KCNT2: variants seen among roughly 807,000 people sequenced by gnomAD.
KCNT2 encodes the protein potassium sodium-activated channel subfamily T member 2.
KCNT2 carries 67 observed loss-of-function variants against 153.8 expected under a neutral mutation model. That is an observed-to-expected ratio of 0.44 (90% CI 0.36 to 0.53). The LOEUF is 0.53. Among genes scored for constraint, KCNT2 ranks in the 20% least tolerant of loss-of-function variants. The pLI is 0.00. For missense variants in KCNT2, 975 were observed against 1,354.8 expected (o/e 0.72, Z 4.40); for synonymous variants, 500 against 458.8 (o/e 1.09, Z -1.15).
At chr1:196,507,288 A>G (rs1043202884) in intron 1 of KCNT2, among the ~76,000 whole-genome samples, 1 of 152,190 alleles carries the variant, frequency 6.6e-6, no homozygotes, top group African/African-American at 2.4e-5. Context: ...TTCTATCAGA[A>G]AAATTATCCA....
chr1:196,285,979 T>A (rs1004330308), intron 22 of KCNT2, among the ~76,000 whole-genome samples: 1 of 152,118 alleles, frequency 6.6e-6, no homozygotes, highest in African/African-American at 2.4e-5. Flanking sequence ...AAGATCAACA[T>A]TTTTTGTACA....
chr1:196,358,675 T>C (rs913557344), intron 14 of KCNT2, among the ~76,000 whole-genome samples: 3 of 152,016 alleles, frequency 2.0e-5, no homozygotes, highest in African/African-American at 7.2e-5. Flanking sequence ...TTAAATATTA[T>C]AGTTTTGATT....
chr1:196,552,162 A>C (rs1657999853), intron 1 of KCNT2, among the ~76,000 whole-genome samples: 1 of 151,568 alleles, frequency 6.6e-6, no homozygotes, highest in African/African-American at 2.4e-5. Context: ...AAAATGAGAA[A>C]AAAAGTAAAT....
At chr1:196,531,799 T>C (rs1654977770) in intron 1 of KCNT2, among the ~76,000 whole-genome samples, 1 of 152,070 alleles carries the variant, frequency 6.6e-6, no homozygotes, top group African/African-American at 2.4e-5. Context: ...ATGTATTTAT[T>C]TCAGCAATTT....
At chr1:196,372,234 T>C (rs76016825) in intron 14 of KCNT2, among the ~76,000 whole-genome samples, 5,907 of 151,996 alleles carry the variant, frequency 0.039, 158 homozygotes, top group South Asian at 0.073. Context: ...TAACACTGAG[T>C]ATTTACTACT....
In KCNT2 at chr1:196,359,820, A is replaced by G. The variant is rs958372592; in HGVS notation, c.1403+13320T>C. On this transcript the variant is annotated intron_variant, in intron 14 of 27. Transcript: ENST00000294725. ...AAAAAAGATGTAGAAGGCGGAAACC[A>G]CAAAGTATATTTAGGATCATGTAAT... 2.0e-5 allele frequency among the ~76,000 whole-genome samples: 3 copies of G among 152,044 alleles called. No individual in the cohort carries two copies. In the East Asian group the frequency reaches 5.8e-4, roughly 29 times the overall value.
intron 1 of KCNT2, among the ~76,000 whole-genome samples, chr1:196,577,985 AT>A (rs1020880981): frequency 1.5e-4 from 23 of 150,526 alleles, no homozygotes; most frequent in South Asian, 8.4e-4. Flanking sequence ...AAAACGTGTA[AT>A]TTTTTTTTTA....
In KCNT2 at chr1:196,257,259, T is replaced by C. The variant is rs967073652; in HGVS notation, c.3211+935A>G. On this transcript the variant is annotated intron_variant, in intron 26 of 27. Coordinates refer to ENST00000294725, the MANE Select transcript of KCNT2 (RefSeq NM_198503.5). The stretch of plus-strand genomic sequence containing the variant: ...TATGCATAGAGTAGTGCTAACTTAA[T>C]ATGTGGGTTTTTTCCTTATTCAAAG... 13 of 984,976 alleles carry C rather than the reference T, an allele frequency of 1.3e-5. No individual in the cohort carries two copies. The African/African-American group carries it at 2.3e-4, about 17-fold the overall frequency. 61.0% of individuals were successfully genotyped at this position (984,976 alleles called of 1,614,324 possible). A position where few individuals can be genotyped will look rare whatever the true frequency, so the allele number is the denominator to read the frequency against.
At chr1:196,430,735 C>A (rs777706130) in intron 8 of KCNT2, among the ~76,000 whole-genome samples, 1 of 151,890 alleles carries the variant, frequency 6.6e-6, no homozygotes, top group South Asian at 2.1e-4. Flanking sequence ...TGTTAGATGT[C>A]CTCAAATTAG....
intron 5 of KCNT2, among the ~76,000 whole-genome samples, chr1:196,470,091 T>C (rs1351286653): frequency 1.3e-5 from 2 of 152,194 alleles, no homozygotes. Flanking sequence ...GAGCATAGTT[T>C]ATCACCCTCA....
At chr1:196,349,714 A>T (rs1465708849) in intron 14 of KCNT2, among the ~76,000 whole-genome samples, 2 of 150,584 alleles carry the variant, frequency 1.3e-5, no homozygotes, top group Non-Finnish European at 3.0e-5. Context: ...TTATTTTTTT[A>T]TTATTATTAT....
chr1:196,320,394 TA>T (rs1663177098), intron 19 of KCNT2, among the ~76,000 whole-genome samples: 1 of 151,864 alleles, frequency 6.6e-6, no homozygotes, highest in South Asian at 2.1e-4. Flanking sequence ...TAAAGAGTTT[TA>T]AAAATTATGT....
At chr1:196,362,865 C>A (rs986695966) in intron 14 of KCNT2, among the ~76,000 whole-genome samples, 6 of 152,034 alleles carry the variant, frequency 3.9e-5, no homozygotes, top group African/African-American at 1.4e-4. Context: ...ATGAAAACAT[C>A]TTTATTGATT....
At position 196,490,283 on chromosome 1, in the gene KCNT2, T is replaced by G. The variant is rs543672035; in HGVS notation, c.176-346A>C. Among the ~76,000 whole-genome samples the G allele has an allele frequency of 6.6e-5, 10 of 151,746 alleles. No individual in the cohort carries two copies. The South Asian group carries it at 2.1e-3, about 31-fold the overall frequency. ...TAAGCATTTTATACATCCATAAATT[T>G]TGGGATAAACTTTGGCTAGAAAATC... On this transcript the variant is annotated intron_variant, in intron 2 of 27. Transcript: ENST00000294725.
chr1:196,547,245 A>T (rs1657228360), intron 1 of KCNT2, among the ~76,000 whole-genome samples: 1 of 151,978 alleles, frequency 6.6e-6, no homozygotes, highest in Non-Finnish European at 1.5e-5. Context: ...GTTGCTAAGT[A>T]CTATTAGTGA....
chr1:196,342,430 ATATATATATATATATATG>A (rs1455567197), intron 14 of KCNT2, among the ~76,000 whole-genome samples: 9 of 133,868 alleles, frequency 6.7e-5, no homozygotes, highest in Non-Finnish European at 1.1e-4. Context: ...CTATATATAT[ATATATATATATATATATG>A]TATATATATA....
intron 1 of KCNT2, among the ~76,000 whole-genome samples, chr1:196,570,411 A>C (rs1246989728): frequency 6.6e-6 from 1 of 152,146 alleles, no homozygotes; most frequent in Non-Finnish European, 1.5e-5. Context: ...AAAGAAAAGA[A>C]TCTGAAAATG....
chr1:196,502,363 A>G (rs1188847826), intron 1 of KCNT2, among the ~76,000 whole-genome samples: 1 of 152,220 alleles, frequency 6.6e-6, no homozygotes, highest in African/African-American at 2.4e-5. Context: ...GACATTTAGT[A>G]GCATTGTCTG....
At chr1:196,255,245 T>C (rs1558070606) in intron 26 of KCNT2, among the ~76,000 whole-genome samples, 1 of 151,792 alleles carries the variant, frequency 6.6e-6, no homozygotes, top group Non-Finnish European at 1.5e-5. Flanking sequence ...TGCATTCTAT[T>C]ATTTGACAAT....
Sources: allele counts gnomAD v4.1 joint callset (sites outside exome capture counted in the v4.1 genomes callset), GRCh38; gene constraint gnomAD v4.1.1; transcripts MANE v1.5; gene names NCBI Gene and HGNC (gene_info 2026-07-23, HGNC 2026-07-21).